SLC12A4: variants seen among roughly 807,000 people sequenced by gnomAD.
SLC12A4 encodes the protein solute carrier family 12 member 4.
Under a neutral mutation model 119.2 loss-of-function variants are expected in SLC12A4, and 84 were observed. The observed-to-expected ratio is 0.70, with a 90% CI of 0.59 to 0.85. SLC12A4 has a LOEUF of 0.85. SLC12A4 is among the 40% of genes least tolerant of loss of function. SLC12A4 has a pLI of 0.00. For synonymous variants in SLC12A4, 599 were observed against 604.6 expected, an observed-to-expected ratio of 0.99 and a Z score of 0.14; for missense variants, 1,298 against 1,476.3, an observed-to-expected ratio of 0.88 and a Z score of 1.98.
intron 2 of SLC12A4, chr16:67,963,159 T>G: frequency 2.3e-5 from 4 of 176,510 alleles, no homozygotes; most frequent in South Asian, 1.2e-4. Context: ...GAACCAGGAG[T>G]GGAAGGAAGA....
In SLC12A4 at chr16:67,951,751, G is replaced by A. The variant is rs1224387528; in HGVS notation, c.1132+72C>T. The stretch of plus-strand genomic sequence containing the variant: ...CCCCGTTCCCAAGCTGGCCACACAA[G>A]GACAGCTCTGTGCTCTGTGCCCCTG... On this transcript the variant is annotated intron_variant, in intron 8 of 23. Coordinates refer to ENST00000316341, the MANE Select transcript of SLC12A4 (RefSeq NM_005072.5). The surrounding 1 kb of genome is among the most constrained non-coding windows in gnomAD (Gnocchi z 5.2). The A allele has an allele frequency of 4.4e-6, 6 of 1,363,860 alleles. No homozygotes were observed. Among genetic ancestry groups the A allele is most frequent in the South Asian group, 1.3e-5 (1 of 76,350 alleles). 84.5% of individuals were successfully genotyped at this position (1,363,860 alleles called of 1,614,324 possible).
At position 67,947,653 on chromosome 16, in the gene SLC12A4, G is replaced by A. The variant is rs1225712556; in HGVS notation, c.1967+16C>T. On this transcript the variant is annotated intron_variant, in intron 15 of 23. Coordinates refer to ENST00000316341, the MANE Select transcript of SLC12A4 (RefSeq NM_005072.5). ...CCCCCTCAGCTGGCAGAGGCCAGGTGGCAGTGCTCACTCACCCTTGGTACT... is the reference window on the plus strand; with the variant it reads ...CCCCCTCAGCTGGCAGAGGCCAGGTAGCAGTGCTCACTCACCCTTGGTACT... The A allele has an allele frequency of 3.1e-6, 5 of 1,591,370 alleles. No homozygotes were observed. Among genetic ancestry groups the A allele is most frequent in the Non-Finnish European group, 4.3e-6 (5 of 1,169,220 alleles).
Position 67,951,583 on chromosome 16 carries a change from GC to G in SLC12A4, c.1132+239del. The G allele has an allele frequency of 1.6e-6, 1 of 609,102 alleles. No homozygotes were observed. The highest frequency in any genetic ancestry group is 2.9e-6 in the Non-Finnish European group (1 of 345,966). The allele number at this position is 609,102 out of a possible 1,614,324, so 37.7% of individuals were successfully genotyped here. On this transcript the variant is annotated intron_variant, in intron 8 of 23. Coordinates refer to ENST00000316341, the MANE Select transcript of SLC12A4 (RefSeq NM_005072.5). The surrounding 1 kb of genome is among the most constrained non-coding windows in gnomAD (Gnocchi z 5.2). ...ATGGATCCTGTGGGAACATCCCCAG[GC>G]AGTGTCAGGGGCTGGTGGCTGGGGA... is the stretch of plus-strand genomic sequence containing the variant.
intron 21 of SLC12A4, 62 bp from the exon 22 acceptor site, chr16:67,945,615 G>A: frequency 6.4e-7 from 1 of 1,558,810 alleles, no homozygotes; most frequent in Non-Finnish European, 8.7e-7. Flanking sequence ...GGCCTGTCTG[G>A]CCCAATGTGA....
Position 67,945,499 on chromosome 16 carries a change from C to A in SLC12A4, c.2902G>T (p.Asp968Tyr). 1 of 1,614,070 alleles carries A rather than the reference C, an allele frequency of 6.2e-7. No homozygotes were observed. The highest frequency in any genetic ancestry group is 8.5e-7 in the Non-Finnish European group (1 of 1,180,018). Reference protein sequence around the residue: ...SALRLESLYSDEEDESAVGAD... With the variant: ...SALRLESLYSYEEDESAVGAD... ...CCCACTGCAGACTCATCTTCCTCGT[C>A]CGAGTACAGGCTCTCCAGCCGCAGG... The change falls in exon 22 of 24, where the codon GAC (aspartate) becomes TAC (tyrosine). Residue 968 changes from aspartate to tyrosine, a missense_variant. Physicochemically the swap from Asp to Tyr is radical, Grantham distance 160. Transcript: ENST00000316341.
chr16:67,965,581 A>C (rs1472436104), intron 1 of SLC12A4, among the ~76,000 whole-genome samples: 1 of 152,164 alleles, frequency 6.6e-6, no homozygotes, highest in African/African-American at 2.4e-5. Flanking sequence ...CTGGAAATCA[A>C]TTATAATTTA....
chr16:67,959,143 C>G (rs1249038181), intron 3 of SLC12A4, among the ~76,000 whole-genome samples: 1 of 152,162 alleles, frequency 6.6e-6, no homozygotes, highest in Non-Finnish European at 1.5e-5. Context: ...TGAGGAAGAT[C>G]TAATACGCAA....
At position 67,951,019 on chromosome 16, in the gene SLC12A4, C is replaced by T. The variant is rs764665506; in HGVS notation, c.1339G>A (p.Ala447Thr). The change falls in exon 10 of 24, where the codon GCC (alanine) becomes ACC (threonine). Residue 447 changes from alanine (A) to threonine (T), a missense_variant. Transcript: ENST00000316341. The surrounding 1 kb of genome is among the most constrained non-coding windows in gnomAD (Gnocchi z 5.2). ...GSNRSGDLRD[A>T]QKSIPVGTIL... ...GTCCCCACAGGGATAGACTTCTGGG[C>T]GTCACGAAGGTCCCCAGAGCGGTTT... 6.8e-6 allele frequency: 11 copies of T among 1,613,884 alleles called. No individual in the cohort carries two copies. Among genetic ancestry groups the T allele is most frequent in the East Asian group, 2.2e-5 (1 of 44,884 alleles).
In SLC12A4 at chr16:67,948,091, T is replaced by C. The variant is rs2058372758; in HGVS notation, c.1817A>G (p.Asn606Ser). ...ATAGTACTTGAACCGGGGCCGCCAG[T>C]TGGGGGTCCTCAGGAGTGTCTGCAC... is the stretch of plus-strand genomic sequence containing the variant. ...CAVQTLLRTP[N>S]WRPRFKYYHW... Residue 606 changes from asparagine (N) to serine (S), a missense_variant, in exon 14 of 24, where the codon AAC becomes AGC. By Grantham distance (46) the Asn-to-Ser change is conservative. Coordinates refer to ENST00000316341, the MANE Select transcript of SLC12A4 (RefSeq NM_005072.5). 5 of 1,613,092 alleles carry C rather than the reference T, an allele frequency of 3.1e-6. No homozygotes were observed. Among genetic ancestry groups the C allele is most frequent in the African/African-American group, 1.3e-5 (1 of 75,046 alleles).
rs1303822648 is a variant in SLC12A4, at chr16:67,947,075, G to C, written c.2103C>G (p.Asp701Glu). The C allele has an allele frequency of 6.2e-7, 1 of 1,606,660 alleles. No individual in the cohort carries two copies. Among genetic ancestry groups the C allele is most frequent in the African/African-American group, 1.3e-5 (1 of 74,764 alleles). Residue 701 changes from aspartate (D) to glutamate (E), a missense_variant, in exon 17 of 24, where the codon GAC (aspartate) becomes GAG (glutamate). Coordinates refer to ENST00000316341, the MANE Select transcript of SLC12A4 (RefSeq NM_005072.5). ...RPQLLVLLKLDEDLHVKYPRL... is the reference protein window; with the variant it reads ...RPQLLVLLKLEEDLHVKYPRL... ...GCGGGTACTTCACGTGGAGGTCCTC[G>C]TCCAGCTTCAGCAGCACCAGCAGCT... is the stretch of plus-strand genomic sequence containing the variant.
intron 3 of SLC12A4, among the ~76,000 whole-genome samples, chr16:67,958,682 C>A (rs2030403047): frequency 6.6e-6 from 1 of 152,094 alleles, no homozygotes; most frequent in Admixed American, 6.6e-5. Flanking sequence ...AACTCCTTGG[C>A]TTGGGCCACC....
chr16:67,954,369 AC>A (rs2151331629), intron 6 of SLC12A4: 2 of 492,816 alleles, frequency 4.1e-6, no homozygotes, highest in South Asian at 4.6e-5. Flanking sequence ...AGTTCCTGGA[AC>A]CCTTGCCATG....
Position 67,945,137 on chromosome 16 carries a change from A to G in SLC12A4, c.3116T>C (p.Val1039Ala). Residue 1039 changes from valine to alanine, a missense_variant, in exon 23 of 24, where the codon GTT becomes GCT. By Grantham distance (64) the Val-to-Ala change is moderately conservative. Coordinates refer to ENST00000316341, the MANE Select transcript of SLC12A4 (RefSeq NM_005072.5). ...GGGTGGGCCAGGCATGTTTAGGAGA[A>G]CCAGGCGGGCGTCGTGGGAGCGCGT... ...IVTRSHDARL[V>A]LLNMPGPPRN... 1.2e-6 allele frequency: 2 copies of G among 1,600,758 alleles called. No homozygotes were observed. The highest frequency in any genetic ancestry group is 1.7e-6 in the Non-Finnish European group (2 of 1,172,452).
At chr16:67,954,159 A>G in intron 6 of SLC12A4, 1 of 408,220 alleles carries the variant, frequency 2.4e-6, no homozygotes, top group South Asian at 1.7e-5. Context: ...AGGCTGACAG[A>G]GCTCCCATGG....
In SLC12A4 at chr16:67,950,300, G is replaced by T. The variant is rs1410874334; in HGVS notation, c.1629+19C>A. ...GGCCTGGGAGCAGCCAGGCCATGGGGGAGTGCAGAGGGGCTCACCCGGAGG... is the reference window on the plus strand; with the variant it reads ...GGCCTGGGAGCAGCCAGGCCATGGGTGAGTGCAGAGGGGCTCACCCGGAGG... On this transcript the variant is annotated intron_variant, in intron 12 of 23. Coordinates refer to ENST00000316341, the MANE Select transcript of SLC12A4 (RefSeq NM_005072.5). This position sits in a 1 kb window ranked among gnomAD's most constrained non-coding sequence, Gnocchi z 4.3. The T allele has an allele frequency of 3.7e-6, 6 of 1,611,296 alleles. No homozygotes were observed. The highest frequency in any genetic ancestry group is 5.1e-6 in the Non-Finnish European group (6 of 1,178,646).
Position 67,950,718 on chromosome 16 carries a change from C to T in SLC12A4, c.1397-7G>A, listed in dbSNP as rs199831916. On this transcript the variant is annotated splice_polypyrimidine_tract_variant and splice_region_variant and intron_variant, in intron 10 of 23. Transcript: ENST00000316341. The surrounding 1 kb of genome is among the most constrained non-coding windows in gnomAD (Gnocchi z 4.3). ...AGAACCACACTGCTGAAGTCTGCGG[C>T]GGCGTCAAGGAAAACTCGGCCTCTG... 422 of 1,605,070 alleles carry T rather than the reference C, an allele frequency of 2.6e-4. No homozygotes were observed. Among genetic ancestry groups the T allele is most frequent in the Non-Finnish European group, 3.3e-4 (391 of 1,175,994 alleles).
Position 67,950,644 on chromosome 16 carries a change from G to A in SLC12A4, c.1454+10C>T. 6.2e-7 allele frequency: 1 copy of A among 1,611,822 alleles called. No homozygotes were observed. Reference sequence around the variant, plus strand: ...AGCCGCTGCTAAAGAGGGGGGCCCAGCTCACTCACTTGTCCCGGAGAACCA... The same window carrying A: ...AGCCGCTGCTAAAGAGGGGGGCCCAACTCACTCACTTGTCCCGGAGAACCA... On this transcript the variant is annotated intron_variant, in intron 11 of 23. Coordinates refer to ENST00000316341, the MANE Select transcript of SLC12A4 (RefSeq NM_005072.5). This position sits in a 1 kb window ranked among gnomAD's most constrained non-coding sequence, Gnocchi z 4.3.
In SLC12A4 at chr16:67,945,877, G is replaced by A. The variant is rs1284849932; in HGVS notation, c.2740-6C>T. The stretch of plus-strand genomic sequence containing the variant: ...GCAGAGATGTCACTGTTATGCTGGG[G>A]ACAGGGTTGGCCGTGAGGACCCAGC... On this transcript the variant is annotated splice_polypyrimidine_tract_variant and splice_region_variant and intron_variant, in intron 20 of 23. Transcript: ENST00000316341. 2 of 1,613,924 alleles carry A rather than the reference G, an allele frequency of 1.2e-6. No individual in the cohort carries two copies.
Position 67,950,724 on chromosome 16 carries a change from C to T in SLC12A4, c.1397-13G>A. ...ACACTGCTGAAGTCTGCGGCGGCGT[C>T]AAGGAAAACTCGGCCTCTGCCACCC... On this transcript the variant is annotated splice_polypyrimidine_tract_variant and intron_variant, in intron 10 of 23. Transcript: ENST00000316341. This position sits in a 1 kb window ranked among gnomAD's most constrained non-coding sequence, Gnocchi z 4.3. 3 of 1,602,538 alleles carry T rather than the reference C, an allele frequency of 1.9e-6. No homozygotes were observed. Among genetic ancestry groups the T allele is most frequent in the Non-Finnish European group, 2.6e-6 (3 of 1,174,820 alleles).
Sources: allele counts gnomAD v4.1 joint callset (sites outside exome capture counted in the v4.1 genomes callset), GRCh38; gene constraint gnomAD v4.1.1; non-coding constraint Gnocchi (gnomAD v3.1); transcripts MANE v1.5; gene names NCBI Gene and HGNC (gene_info 2026-07-23, HGNC 2026-07-21).